INPP4B: variants seen among roughly 807,000 people sequenced by gnomAD.
The protein encoded by INPP4B is inositol polyphosphate-4-phosphatase type II B, also known as inositol polyphosphate 4-phosphatase type II.
A neutral mutation model predicts 122.5 loss-of-function variants in INPP4B; 55 were observed. That is an observed-to-expected ratio of 0.45 (90% CI 0.36 to 0.56). The LOEUF (loss-of-function observed/expected upper bound fraction) is 0.56, where lower values mean the gene tolerates loss of function less well. INPP4B is among the 20% of genes least tolerant of loss of function. The probability of loss-of-function intolerance (pLI) is 0.00; values close to 1 mark genes in which losing one functional copy is unlikely to be tolerated. For missense variants in INPP4B, 1,000 were observed against 1,097.7 expected (o/e 0.91, Z 1.26); for synonymous variants, 403 against 388.7 (o/e 1.04, Z -0.43).
intron 21 of INPP4B, among the ~76,000 whole-genome samples, chr4:142,115,859 A>G (rs997071311): frequency 6.6e-6 from 1 of 152,212 alleles, no homozygotes; most frequent in Non-Finnish European, 1.5e-5. Flanking sequence ...TAAAAGACAC[A>G]GACTGGCAAA....
chr4:142,641,248 C>A (rs537696618), intron 2 of INPP4B, among the ~76,000 whole-genome samples: 1 of 151,796 alleles, frequency 6.6e-6, no homozygotes, highest in East Asian at 1.9e-4. Flanking sequence ...CTATACAGCA[C>A]CAAAACTTTT....
At chr4:142,576,617 A>G (rs1425593222) in intron 2 of INPP4B, among the ~76,000 whole-genome samples, 1 of 152,034 alleles carries the variant, frequency 6.6e-6, no homozygotes, top group Admixed American at 6.6e-5. Flanking sequence ...CAAGGGGGAA[A>G]AAAAGCACCA....
intron 2 of INPP4B, among the ~76,000 whole-genome samples, chr4:142,503,103 T>C (rs889472386): frequency 6.6e-6 from 1 of 152,200 alleles, no homozygotes; most frequent in African/African-American, 2.4e-5. Flanking sequence ...GAAATAACAA[T>C]ATTTATGTAT....
chr4:142,472,870 A>G (rs1265176148), intron 2 of INPP4B, among the ~76,000 whole-genome samples: 5 of 152,198 alleles, frequency 3.3e-5, no homozygotes, highest in Non-Finnish European at 7.3e-5. Context: ...TTTTGAAAAG[A>G]AAAACTTTTC....
At chr4:142,069,245 C>T (rs1295392949) in intron 25 of INPP4B, among the ~76,000 whole-genome samples, 1 of 152,122 alleles carries the variant, frequency 6.6e-6, no homozygotes, top group Non-Finnish European at 1.5e-5. Context: ...GGGTACATAA[C>T]AAAATGAAGG....
chr4:142,799,770 T>C (rs557600020), intron 1 of INPP4B, among the ~76,000 whole-genome samples: 26 of 152,082 alleles, frequency 1.7e-4, no homozygotes, highest in African/African-American at 6.3e-4. Context: ...GTTTTGTTTT[T>C]ACTAAATATT....
intron 8 of INPP4B, among the ~76,000 whole-genome samples, chr4:142,306,438 T>G (rs755650235): frequency 6.6e-6 from 1 of 152,116 alleles, no homozygotes; most frequent in East Asian, 1.9e-4. Flanking sequence ...ATGTAAATAC[T>G]CCACAATAAG....
chr4:142,181,245 G>A (rs911156323), intron 15 of INPP4B, among the ~76,000 whole-genome samples: 13 of 152,236 alleles, frequency 8.5e-5, no homozygotes, highest in Middle Eastern at 3.4e-3. Context: ...CTGAGACGAA[G>A]GGAAAAGGAT....
At chr4:142,170,746 G>A (rs1014659705) in intron 16 of INPP4B, among the ~76,000 whole-genome samples, 5 of 151,668 alleles carry the variant, frequency 3.3e-5, no homozygotes, top group South Asian at 2.1e-4. Context: ...CACTACTATC[G>A]AGTTTTGGAA....
chr4:142,496,372 T>G (rs1822569860), intron 2 of INPP4B, among the ~76,000 whole-genome samples: 1 of 152,158 alleles, frequency 6.6e-6, no homozygotes, highest in Admixed American at 6.6e-5. Flanking sequence ...TAGTGCTGCT[T>G]TGAACATTAT....
intron 5 of INPP4B, chr4:142,426,991 A>G (rs1011760915): frequency 6.6e-6 from 1 of 151,980 alleles, no homozygotes; most frequent in Admixed American, 6.6e-5. Context: ...ACCCTTAAAC[A>G]TGATAAAAAT....
intron 12 of INPP4B, among the ~76,000 whole-genome samples, chr4:142,226,856 G>A (rs372578039): frequency 9.9e-5 from 15 of 152,136 alleles, no homozygotes; most frequent in African/African-American, 3.6e-4. Context: ...AAAAGGACAT[G>A]TTCTACACTC....
chr4:142,139,266 T>C (rs879331944), intron 18 of INPP4B, among the ~76,000 whole-genome samples: 1 of 152,094 alleles, frequency 6.6e-6, no homozygotes, highest in Non-Finnish European at 1.5e-5. Context: ...CTATTTTATA[T>C]ATAATTGCAT....
intron 7 of INPP4B, among the ~76,000 whole-genome samples, chr4:142,351,432 A>G (rs963051901): frequency 2.6e-5 from 4 of 152,020 alleles, no homozygotes; most frequent in African/African-American, 9.7e-5. Flanking sequence ...ATGTTCAAAT[A>G]ACTGGCGTGG....
intron 11 of INPP4B, among the ~76,000 whole-genome samples, chr4:142,254,317 G>A (rs141702053): frequency 0.72 from 81,964 of 113,558 alleles, 31,442 homozygotes; most frequent in East Asian, 0.92. Flanking sequence ...CCAAAGGAAT[G>A]CAGTTCCTCA....
At chr4:142,117,326 C>T (rs1794093623) in intron 21 of INPP4B, among the ~76,000 whole-genome samples, 1 of 152,100 alleles carries the variant, frequency 6.6e-6, no homozygotes, top group Non-Finnish European at 1.5e-5. Context: ...CCAGCATCAT[C>T]CTGATACCAA....
chr4:142,617,847 G>A (rs1337823828), intron 2 of INPP4B, among the ~76,000 whole-genome samples: 1 of 152,056 alleles, frequency 6.6e-6, no homozygotes, highest in Non-Finnish European at 1.5e-5. Context: ...CAATTTCCAG[G>A]CAATGCAATA....
chr4:142,263,253 T>C (rs1019119472), intron 10 of INPP4B, among the ~76,000 whole-genome samples: 2 of 152,198 alleles, frequency 1.3e-5, no homozygotes, highest in African/African-American at 4.8e-5. Flanking sequence ...CTGTTACTTA[T>C]TGGGTTTTCT....
intron 2 of INPP4B, among the ~76,000 whole-genome samples, chr4:142,487,965 A>C (rs1261504232): frequency 1.3e-5 from 2 of 152,150 alleles, no homozygotes; most frequent in African/African-American, 4.8e-5. Flanking sequence ...TTGAATAGAA[A>C]GCAGACACAA....
Sources: allele counts gnomAD v4.1 joint callset (sites outside exome capture counted in the v4.1 genomes callset), GRCh38; gene constraint gnomAD v4.1.1; transcripts MANE v1.5; gene names NCBI Gene and HGNC (gene_info 2026-07-23, HGNC 2026-07-21).